The following DBP variants were observed in gnomAD, a reference collection of about 807,000 sequenced individuals.
DBP encodes the protein D site-binding protein.
In DBP, 12 loss-of-function variants were observed where a neutral mutation model predicts 21.4. The ratio of observed to expected loss-of-function variants is 0.56; its 90% CI spans 0.36 to 0.91. DBP has a LOEUF of 0.91. Ranked by LOEUF, DBP falls within the 40% of genes least tolerant of loss-of-function variation. DBP has a pLI of 0.01. For missense variants in DBP, 423 were observed against 473.4 expected, an observed-to-expected ratio of 0.89 and a Z score of 0.99; for synonymous variants, 213 against 224.9, an observed-to-expected ratio of 0.95 and a Z score of 0.47.
Position 48,630,207 on chromosome 19 carries a change from C to A in DBP, c.*630G>T. 8.0e-7 allele frequency: 1 copy of A among 1,256,862 alleles called. No individual in the cohort carries two copies. Among genetic ancestry groups the A allele is most frequent in the South Asian group, 3.1e-5 (1 of 32,632 alleles). 77.9% of individuals were successfully genotyped at this position (1,256,862 alleles called of 1,614,324 possible). ...AGCCTCGCCCCATCCACTCCGGTGC[C>A]TCCATTTAGCTGGCCAATCAGCCCA... On this transcript the variant is annotated 3_prime_UTR_variant, in exon 4 of 4. Transcript: ENST00000222122. This position sits in a 1 kb window ranked among gnomAD's most constrained non-coding sequence, Gnocchi z 4.9.
rs1306059918 is a variant in DBP at position 48,635,006 on chromosome 19, C to T, written c.550+574G>A. 20 of 985,910 alleles carry T rather than the reference C, an allele frequency of 2.0e-5. No individual in the cohort carries two copies. The South Asian group carries it at 7.8e-4, about 39-fold the overall frequency. The allele number at this position is 985,910 out of a possible 1,614,324, so 61.1% of individuals were successfully genotyped here. On this transcript the variant is annotated intron_variant, in intron 2 of 3. Transcript: ENST00000222122. ...GAATATAGGAAGCTTGGCCCCAGCC[C>T]CAATTGGAGGATCCAGAAACAACAT...
rs1166877635 is a variant in DBP, at chr19:48,635,680, G to A, written c.450C>T (p.Pro150=). Residue 150 remains proline, a synonymous_variant, in exon 2 of 4, where the codon CCC becomes CCT. Transcript: ENST00000222122. Reference sequence around the variant, plus strand: ...AGCCGCACGAACCCGGCCCTGGGGAGGGTGCGGGCGTCCGCGCGGGCGACG... The same window carrying A: ...AGCCGCACGAACCCGGCCCTGGGGAAGGTGCGGGCGTCCGCGCGGGCGACG... ...PEPSPARTPA[P]SPGPGSCGSA... The A allele has an allele frequency of 9.2e-6, 12 of 1,309,432 alleles. No homozygotes were observed. In the African/African-American group the frequency reaches 1.1e-4, roughly 12 times the overall value. 81.1% of individuals were successfully genotyped at this position (1,309,432 alleles called of 1,614,324 possible). A position where few individuals can be genotyped will look rare whatever the true frequency, so the allele number is the denominator to read the frequency against.
chr19:48,637,095 G>A lies in DBP; in HGVS notation c.-101C>T. 1.7e-6 allele frequency: 2 copies of A among 1,175,636 alleles called. No individual in the cohort carries two copies. The highest frequency in any genetic ancestry group is 2.3e-6 in the Non-Finnish European group (2 of 873,964). 72.8% of individuals were successfully genotyped at this position (1,175,636 alleles called of 1,614,324 possible). ...AGTGGTTTGGACGAGTGTCTGCCCA[G>A]GGGCGGGCGAGTGTAGCCTGCAACC... On this transcript the variant is annotated 5_prime_UTR_variant, in exon 1 of 4. Coordinates refer to ENST00000222122, the MANE Select transcript of DBP (RefSeq NM_001352.5).
At position 48,637,127 on chromosome 19, in the gene DBP, T is replaced by C; in HGVS notation, c.-133A>G. 1.3e-6 allele frequency: 1 copy of C among 779,442 alleles called. No homozygotes were observed. Among genetic ancestry groups the C allele is most frequent in the Non-Finnish European group, 1.9e-6 (1 of 521,836 alleles). 48.3% of individuals were successfully genotyped at this position (779,442 alleles called of 1,614,324 possible). On this transcript the variant is annotated 5_prime_UTR_variant, in exon 1 of 4. The change creates a new upstream start codon in the 5' untranslated region. Transcript: ENST00000222122. The stretch of plus-strand genomic sequence containing the variant: ...GCGAGTGTAGCCTGCAACCCTCCAG[T>C]ATCCAGAACGCTGCAAATCCTAGGA...
In DBP at chr19:48,636,972, C is replaced by T. The variant is rs956758144; in HGVS notation, c.23G>A (p.Arg8Lys). 3 of 1,520,894 alleles carry T rather than the reference C, an allele frequency of 2.0e-6. No individual in the cohort carries two copies. Among genetic ancestry groups the T allele is most frequent in the African/African-American group, 1.4e-5 (1 of 72,112 alleles). The allele number at this position is 1,520,894 out of a possible 1,614,324, so 94.2% of individuals were successfully genotyped here. ...GCCCAGCAGCAGAGGGGCCGGGGTC[C>T]TGTCGCTCACAGGCCGCGCCATCGC... The part of the protein sequence containing the change: MARPVSD[R>K]TPAPLLLGGP... Residue 8 changes from arginine to lysine, a missense_variant, in exon 1 of 4, where the codon AGG (arginine) becomes AAG (lysine). Coordinates refer to ENST00000222122, the MANE Select transcript of DBP (RefSeq NM_001352.5).
intron 3 of DBP, chr19:48,632,998 C>G (rs1219598406): frequency 3.7e-6 from 1 of 271,178 alleles, no homozygotes; most frequent in African/African-American, 2.2e-5. Flanking sequence ...CACAGTGACA[C>G]TGTCTTTTGT....
rs754741773 is a variant in DBP at position 48,630,843 on chromosome 19, G to A, written c.972C>T (p.Ala324=). 2.5e-6 allele frequency: 4 copies of A among 1,590,136 alleles called. No individual in the cohort carries two copies. Among genetic ancestry groups the A allele is most frequent in the Non-Finnish European group, 3.4e-6 (4 of 1,167,274 alleles). Residue 324 remains alanine (A), a synonymous_variant, in exon 4 of 4, where the codon GCC becomes GCT. Transcript: ENST00000222122. This position sits in a 1 kb window ranked among gnomAD's most constrained non-coding sequence, Gnocchi z 4.9. ...GTGGGGATGTGGGGCAGCCTCACAGGGCCCCGTGCTGGGCCTGGTATCGGG... is the reference window on the plus strand; with the variant it reads ...GTGGGGATGTGGGGCAGCCTCACAGAGCCCCGTGCTGGGCCTGGTATCGGG... ...VLSRYQAQHG[A]L is the part of the protein sequence containing the mutation.
At chr19:48,635,115 G>A in intron 2 of DBP, 1 of 988,676 alleles carries the variant, frequency 1.0e-6, no homozygotes, top group Non-Finnish European at 1.2e-6. Context: ...TGGGCTGCCA[G>A]TCTCTTATGT....
intron 2 of DBP, chr19:48,634,575 T>C (rs1396382704): frequency 1.9e-6 from 1 of 537,884 alleles, no homozygotes; most frequent in East Asian, 1.5e-4. Flanking sequence ...TGCTGACGCC[T>C]GCTTCCCTCC....
Position 48,636,890 on chromosome 19 carries a change from C to T in DBP, c.105G>A (p.Leu35=). The T allele has an allele frequency of 1.2e-6, 2 of 1,607,228 alleles. No homozygotes were observed. Among genetic ancestry groups the T allele is most frequent in the Non-Finnish European group, 1.7e-6 (2 of 1,177,464 alleles). The part of the protein sequence containing the change: ...GGALLGLRSL[L]QGTSKPKEPA... The stretch of plus-strand genomic sequence containing the variant: ...GCTCTTTGGGCTTGCTGGTCCCCTG[C>T]AGAAGGCTCCGCAACCCAAGCAGCG... The change falls in exon 1 of 4, where the codon CTG becomes CTA. Residue 35 remains leucine (L), a synonymous_variant. Transcript: ENST00000222122.
Position 48,635,865 on chromosome 19 carries a change from C to A in DBP, c.265G>T (p.Gly89Trp). The change falls in exon 2 of 4, where the codon GGG becomes TGG. Residue 89 changes from glycine to tryptophan, a missense_variant. Around this residue, in one of 4 missense-constraint regions of DBP, gnomAD observed 283 missense variants for 273.7 expected, o/e 1.03. Transcript: ENST00000222122. ...GGGGCGGGCACCGGCCCCGGGCGCC[C>A]CCGCGGGGACCCTCCGCCCACCACT... ...GAVVGGGSPRGRPGPVPAPGL... is the reference protein window; with the variant it reads ...GAVVGGGSPRWRPGPVPAPGL... 1 of 1,397,654 alleles carries A rather than the reference C, an allele frequency of 7.2e-7. No homozygotes were observed. Among genetic ancestry groups the A allele is most frequent in the South Asian group, 1.6e-5 (1 of 63,858 alleles). The allele number at this position is 1,397,654 out of a possible 1,614,324, so 86.6% of individuals were successfully genotyped here. A position where few individuals can be genotyped will look rare whatever the true frequency, so the allele number is the denominator to read the frequency against.
chr19:48,631,325 A>G lies in DBP; in HGVS notation c.763-273T>C, dbSNP rs971186675. 7.3e-5 allele frequency: 35 copies of G among 482,196 alleles called. No individual in the cohort carries two copies. In the Admixed American group the frequency reaches 7.8e-4, roughly 11 times the overall value. 29.9% of individuals were successfully genotyped at this position (482,196 alleles called of 1,614,324 possible). A position where few individuals can be genotyped will look rare whatever the true frequency, so the allele number is the denominator to read the frequency against. On this transcript the variant is annotated intron_variant, in intron 3 of 3. Transcript: ENST00000222122. ...CCCTCCCCACATGATAAAGGCCTGC[A>G]TGCAGTTAGCTCTTGCTTGCTAAGG...
Position 48,635,847 on chromosome 19 carries a change from G to T in DBP, c.283C>A (p.Pro95Thr). ...GSPRGRPGPV[P>T]APGLLAPLLW... is the part of the protein sequence containing the mutation. Reference sequence around the variant, plus strand: ...AGTGGCGCCAACAGACCCGGGGCGGGCACCGGCCCCGGGCGCCCCCGCGGG... The same window carrying T: ...AGTGGCGCCAACAGACCCGGGGCGGTCACCGGCCCCGGGCGCCCCCGCGGG... Residue 95 changes from proline (P) to threonine (T), a missense_variant, in exon 2 of 4, where the codon CCC becomes ACC. Pro to Thr is a conservative substitution (Grantham distance 38, BLOSUM62 -1). Coordinates refer to ENST00000222122, the MANE Select transcript of DBP (RefSeq NM_001352.5). The T allele has an allele frequency of 1.4e-6, 2 of 1,401,888 alleles. No homozygotes were observed. The highest frequency in any genetic ancestry group is 1.8e-6 in the Non-Finnish European group (2 of 1,089,586). The allele number at this position is 1,401,888 out of a possible 1,614,324, so 86.8% of individuals were successfully genotyped here.
At position 48,633,530 on chromosome 19, in the gene DBP, G is replaced by C. The variant is rs56100879; in HGVS notation, c.676C>G (p.Arg226Gly). ...TCCTCTTCTGAGAAGCGATGTCTTC[G>C]AGGGTCAAAGGTCTCGTGGCCAGGA... Reference protein sequence around the residue: ...SIPGHETFDPRRHRFSEEELK... With the variant: ...SIPGHETFDPGRHRFSEEELK... The change falls in exon 3 of 4, where the codon CGA (arginine) becomes GGA (glycine). Residue 226 changes from arginine (R) to glycine (G), a missense_variant. Arg to Gly is a moderately radical substitution (Grantham distance 125, BLOSUM62 -2). Coordinates refer to ENST00000222122, the MANE Select transcript of DBP (RefSeq NM_001352.5). The C allele has an allele frequency of 6.2e-7, 1 of 1,614,176 alleles. No individual in the cohort carries two copies. The highest frequency in any genetic ancestry group is 1.1e-5 in the South Asian group (1 of 91,090).
At chr19:48,635,477 G>A (rs1214076732) in intron 2 of DBP, 103 bp downstream of exon 2, 3 of 1,477,710 alleles carry the variant, frequency 2.0e-6, no homozygotes, top group South Asian at 2.4e-5. Flanking sequence ...AGAATTCGAG[G>A]CCGCAGCCAG....
At position 48,630,756 on chromosome 19, in the gene DBP, G is replaced by A; in HGVS notation, c.*81C>T. 1 of 1,469,270 alleles carries A rather than the reference G, an allele frequency of 6.8e-7. No individual in the cohort carries two copies. The highest frequency in any genetic ancestry group is 9.1e-7 in the Non-Finnish European group (1 of 1,096,692). The allele number at this position is 1,469,270 out of a possible 1,614,324, so 91.0% of individuals were successfully genotyped here. ...GGGGCACCCAGCTGGCCGGCCCGTG[G>A]GCCACAGGGCAGGAAGGGAACAGGG... On this transcript the variant is annotated 3_prime_UTR_variant, in exon 4 of 4. Coordinates refer to ENST00000222122, the MANE Select transcript of DBP (RefSeq NM_001352.5). The surrounding 1 kb of genome is among the most constrained non-coding windows in gnomAD (Gnocchi z 4.9).
At chr19:48,633,011 T>A in intron 3 of DBP, 2 of 291,434 alleles carry the variant, frequency 6.9e-6, no homozygotes, top group Non-Finnish European at 1.3e-5. Context: ...TCTTTTGTTT[T>A]AAGACAAGGT....
intron 2 of DBP, 148 bp downstream of exon 2, chr19:48,635,432 G>A (rs1347474508): frequency 6.8e-6 from 10 of 1,474,504 alleles, no homozygotes; most frequent in Non-Finnish European, 9.0e-6. Context: ...ACCGAATCTG[G>A]CCCCCTCCCA....
intron 2 of DBP, chr19:48,634,008 G>C: frequency 3.1e-6 from 1 of 320,732 alleles, no homozygotes; most frequent in Non-Finnish European, 6.0e-6. Flanking sequence ...GCTGAGGCTG[G>C]AGAATTGCTT....
Sources: gnomAD v4.1 joint callset for allele counts on GRCh38, gnomAD v4.1.1 for gene constraint, gnomAD v4.1.1 regional missense constraint, Gnocchi (gnomAD v3.1) non-coding constraint, MANE v1.5 for transcripts, NCBI Gene and HGNC (gene_info 2026-07-23, HGNC 2026-07-21) for gene names.